The following OR51E2 variants were observed in gnomAD, a reference collection of about 807,000 sequenced individuals.
OR51E2 encodes olfactory receptor 51E2.
OR51E2 carries 14 observed loss-of-function variants against 13.7 expected under a neutral mutation model. The observed-to-expected ratio is 1.02, with a 90% confidence interval of 0.68 to 1.60. OR51E2 has a LOEUF of 1.60. Among genes scored for constraint, OR51E2 ranks in the 40% most tolerant of loss-of-function variants. The probability of loss-of-function intolerance (pLI) is 0.00; values close to 1 mark genes in which losing one functional copy is unlikely to be tolerated. For missense variants in OR51E2, 483 were observed against 413.8 expected (o/e 1.17, Z -1.45); for synonymous variants, 180 against 157.6 (o/e 1.14, Z -1.07).
chr11:4,680,510 A>G lies in OR51E2; in HGVS notation c.*1239T>C, dbSNP rs1325129425. The G allele has an allele frequency of 6.5e-6, 1 of 152,696 alleles. No individual in the cohort carries two copies. Among genetic ancestry groups the G allele is most frequent in the African/African-American group, 2.4e-5 (1 of 41,476 alleles). 9.5% of individuals were successfully genotyped at this position (152,696 alleles called of 1,614,324 possible). ...TGAGGAAATAAATGGCAGATGTTAC[A>G]CAGGAAGCAATATAACATGGTCATT... On this transcript the variant is annotated 3_prime_UTR_variant, in exon 2 of 2. Coordinates refer to ENST00000396950, the MANE Select transcript of OR51E2 (RefSeq NM_030774.4).
Position 4,681,652 on chromosome 11 carries a change from G to T in OR51E2, c.*97C>A. ...AGTTTACTATTCCAGCCAGAGAAAAGTACTGATGTGCTTATGGGCAACTGG... is the reference window on the plus strand; with the variant it reads ...AGTTTACTATTCCAGCCAGAGAAAATTACTGATGTGCTTATGGGCAACTGG... On this transcript the variant is annotated 3_prime_UTR_variant, in exon 2 of 2. Transcript: ENST00000396950. 2.1e-6 allele frequency: 3 copies of T among 1,401,576 alleles called. No homozygotes were observed. Among genetic ancestry groups the T allele is most frequent in the South Asian group, 1.3e-5 (1 of 77,294 alleles). 86.8% of individuals were successfully genotyped at this position (1,401,576 alleles called of 1,614,324 possible).
At chr11:4,684,711 C>T (rs145738605) in intron 1 of OR51E2, among the ~76,000 whole-genome samples, 1 of 152,276 alleles carries the variant, frequency 6.6e-6, no homozygotes, top group African/African-American at 2.4e-5. Context: ...CCTGCACATG[C>T]TTACTCGAGT....
chr11:4,695,165 C>T (rs1048899399), intron 1 of OR51E2, among the ~76,000 whole-genome samples: 1 of 152,160 alleles, frequency 6.6e-6, no homozygotes, highest in African/African-American at 2.4e-5. Flanking sequence ...TTTTGCAGAG[C>T]ATCAAGAGCC....
chr11:4,692,864 G>A lies in OR51E2; in HGVS notation c.-51+4789C>T, dbSNP rs942060947. Among the ~76,000 whole-genome samples the A allele has an allele frequency of 4.0e-5, 6 of 151,816 alleles. No individual in the cohort carries two copies. In the South Asian group the frequency reaches 8.4e-4, roughly 21 times the overall value. ...AAGAAGTCTTAGTGAAAAAAAAAGG[G>A]GGGGTGGGGGTGTGATTTAACTAAA... On this transcript the variant is annotated intron_variant, in intron 1 of 1. Transcript: ENST00000396950.
rs758243880 is a variant in OR51E2, at chr11:4,681,803, CA to C, written c.908del (p.Leu303ArgfsTer21). 2 of 1,614,062 alleles carry C rather than the reference CA, an allele frequency of 1.2e-6. No homozygotes were observed. Among genetic ancestry groups the C allele is most frequent in the African/African-American group, 2.7e-5 (2 of 74,928 alleles). ...TGTCACAGCTGATCTTGAACATAGCCAGCACCCGTGTTCTGATCTGTTTGGT... is the reference window on the plus strand; with the variant it reads ...TGTCACAGCTGATCTTGAACATAGCCGCACCCGTGTTCTGATCTGTTTGGT... ...AKTKQIRTRVLAMFKISCDKD... is the reference protein window; with the variant it reads ...AKTKQIRTRVXAMFKISCDKD... On this transcript the variant is annotated frameshift_variant, in exon 2 of 2. Coordinates refer to ENST00000396950, the MANE Select transcript of OR51E2 (RefSeq NM_030774.4). LOFTEE classifies it high-confidence loss of function.
chr11:4,692,136 C>T (rs1207094150), intron 1 of OR51E2: 2 of 451,352 alleles, frequency 4.4e-6, no homozygotes, highest in Admixed American at 2.4e-5. Context: ...TACACTGGGG[C>T]TGTGGAACAG....
At chr11:4,691,300 C>T (rs1298270221) in intron 1 of OR51E2, 1 of 457,342 alleles carries the variant, frequency 2.2e-6, no homozygotes, top group Non-Finnish European at 4.4e-6. Context: ...AAAATCATGG[C>T]ATACCTAAGG....
rs1336330792 is a variant in OR51E2 at position 4,682,480 on chromosome 11, G to A, written c.232C>T (p.Pro78Ser). 1 of 1,614,212 alleles carries A rather than the reference G, an allele frequency of 6.2e-7. No individual in the cohort carries two copies. Among genetic ancestry groups the A allele is most frequent in the Admixed American group, 1.7e-5 (1 of 60,036 alleles). Residue 78 changes from proline to serine, a missense_variant, in exon 2 of 2, where the codon CCT becomes TCT. Coordinates refer to ENST00000396950, the MANE Select transcript of OR51E2 (RefSeq NM_030774.4). ...IDLALSTSTM[P>S]KILALFWFDS... The stretch of plus-strand genomic sequence containing the variant: ...AACCAGAAAAGGGCAAGGATCTTAG[G>A]CATGGTGGATGTGGATAAGGCCAGG...
intron 1 of OR51E2, among the ~76,000 whole-genome samples, 169 bp from the exon 2 acceptor site, chr11:4,682,930 G>A (rs552304265): frequency 4.6e-5 from 7 of 152,206 alleles, no homozygotes; most frequent in Admixed American, 4.6e-4. Context: ...CTACTCTCAA[G>A]GTTTATTTAA....
At chr11:4,691,518 T>C (rs1216842481) in intron 1 of OR51E2, 1 of 456,870 alleles carries the variant, frequency 2.2e-6, no homozygotes, top group South Asian at 1.6e-5. Context: ...GAGGAAATAG[T>C]ACATTGGTTC....
At chr11:4,693,115 C>T (rs1183839024) in intron 1 of OR51E2, among the ~76,000 whole-genome samples, 2 of 151,966 alleles carry the variant, frequency 1.3e-5, no homozygotes, top group Non-Finnish European at 1.5e-5. Context: ...ATGTTCACAG[C>T]ACAAAGAAAT....
At position 4,682,177 on chromosome 11, in the gene OR51E2, C is replaced by A. The variant is rs777767053; in HGVS notation, c.535G>T (p.Val179Phe). The change falls in exon 2 of 2, where the codon GTC becomes TTC. Residue 179 changes from valine (V) to phenylalanine (F), a missense_variant. Val to Phe is a conservative substitution (Grantham distance 50). Transcript: ENST00000396950. ...HSNVLSHSYC[V>F]HQDVMKLAYA... ...GCCAACTTCATTACATCCTGGTGGA[C>A]ACAATAGGAGTGCGAGAGGACATTG... 1.6e-5 allele frequency: 26 copies of A among 1,614,034 alleles called. No homozygotes were observed. Among genetic ancestry groups the A allele is most frequent in the Non-Finnish European group, 1.8e-5 (21 of 1,180,020 alleles).
At chr11:4,689,948 T>G (rs1326519194) in intron 1 of OR51E2, among the ~76,000 whole-genome samples, 2 of 149,102 alleles carry the variant, frequency 1.3e-5, no homozygotes, top group Non-Finnish European at 3.0e-5. Context: ...AAAAATTGCC[T>G]GAACTTCTCT....
intron 1 of OR51E2, chr11:4,685,966 A>T (rs886429663): frequency 6.6e-5 from 10 of 152,186 alleles, no homozygotes; most frequent in African/African-American, 2.2e-4. Context: ...TTGCTTTGTC[A>T]TTGTCACTGT....
rs73388885 is a variant in OR51E2, at chr11:4,681,608, G to A, written c.*141C>T. 32,726 of 832,738 alleles carry A rather than the reference G, an allele frequency of 0.039. 1,532 individuals are homozygous for A. The highest frequency in any genetic ancestry group is 0.18 in the East Asian group (6,939 of 38,678). The allele number at this position is 832,738 out of a possible 1,614,324, so 51.6% of individuals were successfully genotyped here. The stretch of plus-strand genomic sequence containing the variant: ...TATTATTCCACATAATAGTCCTTTA[G>A]GTAGATGTACCATACTTTAGTTTAC... On this transcript the variant is annotated 3_prime_UTR_variant, in exon 2 of 2. Coordinates refer to ENST00000396950, the MANE Select transcript of OR51E2 (RefSeq NM_030774.4).
chr11:4,685,057 C>T (rs1381906528), intron 1 of OR51E2: 2 of 152,208 alleles, frequency 1.3e-5, no homozygotes, highest in East Asian at 3.9e-4. Flanking sequence ...GGTGCACTCA[C>T]CTGAGAATGG....
At position 4,682,097 on chromosome 11, in the gene OR51E2, G is replaced by A; in HGVS notation, c.615C>T (p.Val205=). 6.2e-7 allele frequency: 1 copy of A among 1,614,196 alleles called. No individual in the cohort carries two copies. The highest frequency in any genetic ancestry group is 8.5e-7 in the Non-Finnish European group (1 of 1,180,038). Residue 205 remains valine, a synonymous_variant, in exon 2 of 2, where the codon GTC becomes GTT. Coordinates refer to ENST00000396950, the MANE Select transcript of OR51E2 (RefSeq NM_030774.4). ...AGATGAACATTACGTCCACGCCCAT[G>A]ACCAGCAGAATGGCAGTAAGACCAT... ...VVYGLTAILL[V]MGVDVMFISL...
rs1205828887 is a variant in OR51E2, at chr11:4,697,743, A to C, written c.-141T>G. On this transcript the variant is annotated 5_prime_UTR_variant, in exon 1 of 2. Coordinates refer to ENST00000396950, the MANE Select transcript of OR51E2 (RefSeq NM_030774.4). ...TTCCAGGGGAGGGCCGAGCTTGCAAATATGAGGAGACTTATTCCAGCCTGA... is the reference window on the plus strand; with the variant it reads ...TTCCAGGGGAGGGCCGAGCTTGCAACTATGAGGAGACTTATTCCAGCCTGA... The C allele has an allele frequency of 6.5e-6, 1 of 152,672 alleles. No individual in the cohort carries two copies. Among genetic ancestry groups the C allele is most frequent in the African/African-American group, 2.4e-5 (1 of 41,462 alleles). 9.5% of individuals were successfully genotyped at this position (152,672 alleles called of 1,614,324 possible). A position where few individuals can be genotyped will look rare whatever the true frequency, so the allele number is the denominator to read the frequency against.
At position 4,697,313 on chromosome 11, in the gene OR51E2, T is replaced by A. The variant is rs144447772; in HGVS notation, c.-51+340A>T. Among the ~76,000 whole-genome samples, 231 of 152,322 alleles carry A rather than the reference T, an allele frequency of 1.5e-3. 1 individual carries two copies. The highest frequency in any genetic ancestry group is 0.012 in the Admixed American group (187 of 15,290). Reference sequence around the variant, plus strand: ...GGATATGCGCTGTGTCTAATACCAGTAGCTGGCAGGCAATGCGTTCGAAAT... The same window carrying A: ...GGATATGCGCTGTGTCTAATACCAGAAGCTGGCAGGCAATGCGTTCGAAAT... On this transcript the variant is annotated intron_variant, in intron 1 of 1. Coordinates refer to ENST00000396950, the MANE Select transcript of OR51E2 (RefSeq NM_030774.4).
Sources: gnomAD v4.1 joint callset for allele counts (sites outside exome capture counted in the v4.1 genomes callset) on GRCh38, gnomAD v4.1.1 for gene constraint, MANE v1.5 for transcripts, NCBI Gene and HGNC (gene_info 2026-07-23, HGNC 2026-07-21) for gene names.